BEND7: variants seen among roughly 807,000 people sequenced by gnomAD.
BEND7 encodes the protein BEN domain containing 7, also known as BEN domain-containing protein 7.
In BEND7, 28 loss-of-function variants were observed where a neutral mutation model predicts 50.9. That is an observed-to-expected ratio of 0.55 (90% CI 0.41 to 0.75). The LOEUF (loss-of-function observed/expected upper bound fraction) is 0.75, where lower values mean the gene tolerates loss of function less well. BEND7 is among the 30% of genes least tolerant of loss of function. The pLI is 0.00. For synonymous variants in BEND7, 170 were observed against 183.9 expected (o/e 0.92, Z 0.61); for missense variants, 477 against 491.3 (o/e 0.97, Z 0.28).
intron 4 of BEND7, among the ~76,000 whole-genome samples, chr10:13,493,085 G>A (rs902996498): frequency 2.6e-5 from 4 of 152,226 alleles, no homozygotes; most frequent in African/African-American, 9.6e-5. Flanking sequence ...AAAATACTCA[G>A]GAGAAAGCGT....
intron 6 of BEND7, among the ~76,000 whole-genome samples, chr10:13,455,255 C>CCTCTTT (rs1838683586): frequency 6.6e-6 from 1 of 151,878 alleles, no homozygotes; most frequent in Admixed American, 6.6e-5. Flanking sequence ...GTGGAAAGGG[C>CCTCTTT]ACAGGCTGGG....
At chr10:13,480,713 A>C (rs2075794910) in intron 6 of BEND7, 186 bp downstream of exon 6, 1 of 985,268 alleles carries the variant, frequency 1.0e-6, no homozygotes, top group African/African-American at 1.7e-5. Flanking sequence ...ACCTTGAATA[A>C]TGAATTCTAG....
At chr10:13,521,984 T>C (rs1228824096) in intron 2 of BEND7, among the ~76,000 whole-genome samples, 1 of 152,222 alleles carries the variant, frequency 6.6e-6, no homozygotes, top group Non-Finnish European at 1.5e-5. Context: ...GAAAAGAGAC[T>C]TCAGAGTTTC....
chr10:13,477,906 G>A (rs964040351), intron 6 of BEND7, among the ~76,000 whole-genome samples: 1 of 152,200 alleles, frequency 6.6e-6, no homozygotes, highest in Non-Finnish European at 1.5e-5. Flanking sequence ...CATGTGTGCA[G>A]GGTAGGGAAG....
intron 6 of BEND7, among the ~76,000 whole-genome samples, chr10:13,469,584 C>A (rs2074601880): frequency 6.6e-6 from 1 of 152,160 alleles, no homozygotes; most frequent in Non-Finnish European, 1.5e-5. Flanking sequence ...TCAAGTGATT[C>A]CCCTGCCTCA....
At chr10:13,520,082 G>A (rs780273403) in intron 2 of BEND7, among the ~76,000 whole-genome samples, 7 of 152,214 alleles carry the variant, frequency 4.6e-5, no homozygotes, top group Non-Finnish European at 8.8e-5. Flanking sequence ...ACAGTGGAAA[G>A]ATCGTGGCCA....
chr10:13,474,692 T>TG (rs1249373716), intron 6 of BEND7, among the ~76,000 whole-genome samples: 2 of 152,136 alleles, frequency 1.3e-5, no homozygotes, highest in Non-Finnish European at 2.9e-5. Context: ...TCATCAGTGT[T>TG]GGGCTCAGGT....
chr10:13,492,502 CATAT>C (rs907160023), intron 5 of BEND7, 105 bp downstream of exon 5: 1 of 1,374,654 alleles, frequency 7.3e-7, no homozygotes, highest in Admixed American at 2.3e-5. Context: ...TTCTTTCCCA[CATAT>C]AGTCTGCAAG....
intron 2 of BEND7, among the ~76,000 whole-genome samples, chr10:13,508,360 C>T (rs2078043432): frequency 6.6e-6 from 1 of 152,168 alleles, no homozygotes; most frequent in African/African-American, 2.4e-5. Flanking sequence ...AAGTGGAACC[C>T]CAATAAATAA....
intron 2 of BEND7, among the ~76,000 whole-genome samples, chr10:13,520,394 C>T (rs2079001933): frequency 6.6e-6 from 1 of 151,882 alleles, no homozygotes; most frequent in South Asian, 2.1e-4. Context: ...TTTAGGAAGC[C>T]GGTTGGCTCA....
chr10:13,447,198 T>C, intron 8 of BEND7, 68 bp downstream of exon 8: 1 of 1,523,668 alleles, frequency 6.6e-7, no homozygotes, highest in South Asian at 1.1e-5. Context: ...AAAATCGTTT[T>C]CAATGCAAAT....
At chr10:13,502,330 G>A (rs1262608536) in intron 2 of BEND7, among the ~76,000 whole-genome samples, 4 of 152,030 alleles carry the variant, frequency 2.6e-5, no homozygotes, top group Non-Finnish European at 4.4e-5. Flanking sequence ...GAGTGAACAC[G>A]GAAATAACAC....
downstream of BEND7, chr10:13,438,550 T>C (rs917496564): frequency 6.6e-6 from 1 of 152,298 alleles, no homozygotes; most frequent in Non-Finnish European, 1.5e-5. Flanking sequence ...CACACATATC[T>C]GTATATATTA....
At chr10:13,457,959 A>C (rs1379988824) in intron 6 of BEND7, among the ~76,000 whole-genome samples, 3 of 152,258 alleles carry the variant, frequency 2.0e-5, no homozygotes, top group Non-Finnish European at 4.4e-5. Context: ...TAATATATGA[A>C]GAAGCAGCAA....
At chr10:13,474,403 A>G (rs2075242670) in intron 6 of BEND7, among the ~76,000 whole-genome samples, 1 of 151,522 alleles carries the variant, frequency 6.6e-6, no homozygotes, top group African/African-American at 2.4e-5. Context: ...CTCGGGGCTG[A>G]TATCTGTCAT....
At chr10:13,480,514 T>C (rs2075778962) in intron 6 of BEND7, 1 of 571,416 alleles carries the variant, frequency 1.8e-6, no homozygotes, top group Non-Finnish European at 2.2e-6. Flanking sequence ...TTTTACTTTA[T>C]CTTTTTTTTT....
At chr10:13,457,849 C>T (rs558140072) in intron 6 of BEND7, among the ~76,000 whole-genome samples, 2 of 152,192 alleles carry the variant, frequency 1.3e-5, no homozygotes, top group East Asian at 1.9e-4. Flanking sequence ...GAGTTTTCTA[C>T]TATGTTAATA....
chr10:13,502,823 G>C, intron 2 of BEND7: 12 of 853,046 alleles, frequency 1.4e-5, no homozygotes, highest in Non-Finnish European at 1.6e-5. Flanking sequence ...TCCCTGAACA[G>C]AGCAGCCATA....
At chr10:13,472,460 G>A (rs535578583) in intron 6 of BEND7, among the ~76,000 whole-genome samples, 4 of 152,136 alleles carry the variant, frequency 2.6e-5, no homozygotes, top group African/African-American at 9.6e-5. Context: ...GTTAGATTTG[G>A]GGTCAATACC....
Sources: gnomAD v4.1 joint callset for allele counts (sites outside exome capture counted in the v4.1 genomes callset) on GRCh38, gnomAD v4.1.1 for gene constraint, MANE v1.5 for transcripts, NCBI Gene and HGNC (gene_info 2026-07-23, HGNC 2026-07-21) for gene names.